Variants in SLC35F1 observed in about 807,000 individuals in gnomAD.
SLC35F1 encodes chromosome 6 open reading frame 169.
Under a neutral mutation model 48.7 loss-of-function variants are expected in SLC35F1, and 14 were observed. The observed-to-expected ratio is 0.29, with a 90% CI of 0.19 to 0.45. SLC35F1 has a LOEUF of 0.45. Ranked by LOEUF, SLC35F1 falls within the 20% of genes least tolerant of loss-of-function variation. The pLI is 1.00. For missense variants in SLC35F1, 404 were observed against 500.0 expected, an observed-to-expected ratio of 0.81 and a Z score of 1.83; for synonymous variants, 190 against 202.2, an observed-to-expected ratio of 0.94 and a Z score of 0.51.
In SLC35F1 at chr6:118,308,560, T is replaced by A. The variant is rs1189027051; in HGVS notation, c.1003-5468T>A. ...GGTTGCATTGATTTTGAAGCAACTG[T>A]TAAATTTGCAGATTCCAAGACTCTA... On this transcript the variant is annotated intron_variant, in intron 7 of 7. Transcript: ENST00000360388. Among the ~76,000 whole-genome samples the A allele has an allele frequency of 3.9e-5, 6 of 152,290 alleles. No individual in the cohort carries two copies. The East Asian group carries it at 5.8e-4, about 15-fold the overall frequency.
At chr6:118,143,772 G>A in intron 1 of SLC35F1, among the ~76,000 whole-genome samples, 1 of 152,144 alleles carries the variant, frequency 6.6e-6, no homozygotes, top group Admixed American at 6.5e-5. Flanking sequence ...TACTGTCAGA[G>A]GCAGTTTATA....
intron 1 of SLC35F1, among the ~76,000 whole-genome samples, chr6:118,093,527 T>A (rs147488324): frequency 6.6e-6 from 1 of 152,178 alleles, no homozygotes; most frequent in East Asian, 1.9e-4. Context: ...AATGAGATCA[T>A]TGGTTTTATA....
chr6:118,071,829 C>T (rs1772735502), intron 1 of SLC35F1, among the ~76,000 whole-genome samples: 1 of 152,146 alleles, frequency 6.6e-6, no homozygotes, highest in Admixed American at 6.5e-5. Context: ...CCTGCTTCTC[C>T]AGTTCTTCCC....
At chr6:118,051,127 TG>T (rs1248670403) in intron 1 of SLC35F1, among the ~76,000 whole-genome samples, 1 of 152,204 alleles carries the variant, frequency 6.6e-6, no homozygotes, top group Non-Finnish European at 1.5e-5. Flanking sequence ...AAAGAATTTC[TG>T]CATTATAGAT....
chr6:118,213,736 A>G (rs549919808), intron 2 of SLC35F1, among the ~76,000 whole-genome samples: 1 of 152,364 alleles, frequency 6.6e-6, no homozygotes, highest in South Asian at 2.1e-4. Flanking sequence ...AGAGTATGAT[A>G]CCAGTATTAT....
chr6:117,998,744 C>G (rs1489578554), intron 1 of SLC35F1, among the ~76,000 whole-genome samples: 1 of 152,180 alleles, frequency 6.6e-6, no homozygotes, highest in Non-Finnish European at 1.5e-5. Flanking sequence ...AAAGACACAA[C>G]AGACCAGAAT....
intron 1 of SLC35F1, chr6:117,998,953 A>C (rs1313946295): frequency 6.7e-6 from 6 of 893,370 alleles, no homozygotes; most frequent in Non-Finnish European, 1.1e-5. Context: ...GCACTTCGGG[A>C]GCCGCGGCTT....
rs1476837629 is a variant in SLC35F1, at chr6:118,273,997, T to C, written c.638-1462T>C. Reference sequence around the variant, plus strand: ...AGATTCTTTGATGTGAAGCCACTGATTCTTTGATGCCCAGATTCTTTGATG... The same window carrying C: ...AGATTCTTTGATGTGAAGCCACTGACTCTTTGATGCCCAGATTCTTTGATG... On this transcript the variant is annotated intron_variant, in intron 4 of 7. Transcript: ENST00000360388. Among the ~76,000 whole-genome samples, 3 of 152,276 alleles carry C rather than the reference T, an allele frequency of 2.0e-5. No homozygotes were observed. The South Asian group carries it at 6.2e-4, about 32-fold the overall frequency.
At chr6:118,182,671 C>T (rs1285482934) in intron 2 of SLC35F1, among the ~76,000 whole-genome samples, 2 of 151,984 alleles carry the variant, frequency 1.3e-5, no homozygotes, top group African/African-American at 2.4e-5. Context: ...GAGTTCAAGA[C>T]CAGCCTGGCC....
At chr6:118,304,828 A>G (rs1263679707) in intron 7 of SLC35F1, among the ~76,000 whole-genome samples, 1 of 151,184 alleles carries the variant, frequency 6.6e-6, no homozygotes, top group Non-Finnish European at 1.5e-5. Flanking sequence ...GAACTTGTCC[A>G]AGACACAGCA....
intron 1 of SLC35F1, among the ~76,000 whole-genome samples, chr6:118,111,014 A>G (rs1773391974): frequency 6.6e-6 from 1 of 152,246 alleles, no homozygotes; most frequent in South Asian, 2.1e-4. Context: ...AACAGAAAGC[A>G]CTAAGTGTAT....
chr6:118,294,409 C>T (rs1776159298), intron 7 of SLC35F1, among the ~76,000 whole-genome samples: 1 of 152,148 alleles, frequency 6.6e-6, no homozygotes, highest in Non-Finnish European at 1.5e-5. Flanking sequence ...TGTATGCCAT[C>T]GCGTGCTGAA....
chr6:118,221,702 T>A (rs1775153780), intron 2 of SLC35F1, among the ~76,000 whole-genome samples: 1 of 152,262 alleles, frequency 6.6e-6, no homozygotes, highest in Admixed American at 6.5e-5. Flanking sequence ...TGAAGATCTA[T>A]GTGGCACTAC....
chr6:118,273,803 C>T (rs916594449), intron 4 of SLC35F1, among the ~76,000 whole-genome samples: 12 of 152,294 alleles, frequency 7.9e-5, no homozygotes, highest in Admixed American at 2.0e-4. Flanking sequence ...CCAAAGAGAA[C>T]TTCCAGCTCT....
At chr6:118,002,617 A>T (rs1052266126) in intron 1 of SLC35F1, among the ~76,000 whole-genome samples, 10 of 151,986 alleles carry the variant, frequency 6.6e-5, no homozygotes, top group Admixed American at 1.3e-4. Context: ...AATAAAATTT[A>T]AAAAAAGAAG....
intron 1 of SLC35F1, among the ~76,000 whole-genome samples, chr6:118,060,534 G>A (rs1313827915): frequency 6.6e-6 from 1 of 152,038 alleles, no homozygotes; most frequent in Non-Finnish European, 1.5e-5. Context: ...AGTGGTTGTT[G>A]TTAGTTATCA....
At chr6:118,252,531 G>C (rs910977467) in intron 3 of SLC35F1, among the ~76,000 whole-genome samples, 6 of 152,124 alleles carry the variant, frequency 3.9e-5, no homozygotes, top group African/African-American at 1.4e-4. Flanking sequence ...TGGTCATGTA[G>C]ATTTGAGTTT....
At chr6:118,159,378 A>G (rs907673100) in intron 2 of SLC35F1, among the ~76,000 whole-genome samples, 3 of 152,184 alleles carry the variant, frequency 2.0e-5, no homozygotes, top group African/African-American at 7.2e-5. Flanking sequence ...CTGTTACATC[A>G]ATAGCTTAAT....
At position 118,314,752 on chromosome 6, in the gene SLC35F1, T is replaced by C. The variant is rs1363051684; in HGVS notation, c.*500T>C. On this transcript the variant is annotated 3_prime_UTR_variant, in exon 8 of 8. Transcript: ENST00000360388. ...CCACAGGAGCTCCACCCCTGAGAAG[T>C]TTCCTTTTCCTAGGGACCTGGTGGT... 2 of 158,362 alleles carry C rather than the reference T, an allele frequency of 1.3e-5. No individual in the cohort carries two copies. Among genetic ancestry groups the C allele is most frequent in the South Asian group, 1.8e-4 (1 of 5,430 alleles). 9.8% of individuals were successfully genotyped at this position (158,362 alleles called of 1,614,324 possible).
Sources: gnomAD v4.1 joint callset for allele counts (sites outside exome capture counted in the v4.1 genomes callset) on GRCh38, gnomAD v4.1.1 for gene constraint, MANE v1.5 for transcripts, NCBI Gene and HGNC (gene_info 2026-07-23, HGNC 2026-07-21) for gene names.